GABRG2: variants seen among roughly 807,000 people sequenced by gnomAD.
GABRG2 encodes gamma-aminobutyric acid type A receptor subunit gamma2, also known as gamma-aminobutyric acid receptor subunit gamma-2.
GABRG2 carries 16 observed loss-of-function variants against 56.4 expected under a neutral mutation model. The ratio of observed to expected loss-of-function variants is 0.28; its 90% CI spans 0.19 to 0.43. The LOEUF is 0.43. Among genes scored for constraint, GABRG2 ranks in the 20% least tolerant of loss-of-function variants. The probability of loss-of-function intolerance (pLI) is 1.00; values close to 1 mark genes in which losing one functional copy is unlikely to be tolerated. For synonymous variants in GABRG2, 208 were observed against 205.5 expected, an observed-to-expected ratio of 1.01 and a Z score of -0.10; for missense variants, 327 against 582.7, an observed-to-expected ratio of 0.56 and a Z score of 4.52.
At chr5:162,104,980 C>G (rs1356473868) in intron 6 of GABRG2, among the ~76,000 whole-genome samples, 11 of 152,156 alleles carry the variant, frequency 7.2e-5, no homozygotes, top group Non-Finnish European at 1.6e-4. Context: ...TGTTAATTTA[C>G]ATATGTTCGA....
chr5:162,143,030 A>T (rs1764698780), intron 7 of GABRG2: 1 of 152,214 alleles, frequency 6.6e-6, no homozygotes, highest in Admixed American at 6.5e-5. Context: ...ATATTAACAG[A>T]TGTGTTTGTT....
upstream of GABRG2, chr5:162,067,502 T>G (rs1454287393): frequency 9.4e-6 from 4 of 424,564 alleles, no homozygotes; most frequent in African/African-American, 2.0e-5. Flanking sequence ...TGCGTGATAG[T>G]TAATCACGCA....
At chr5:162,090,130 T>C (rs533446403) in intron 1 of GABRG2, among the ~76,000 whole-genome samples, 2 of 152,248 alleles carry the variant, frequency 1.3e-5, no homozygotes, top group East Asian at 1.9e-4. Context: ...ATTCAAATTA[T>C]GCATAAAACT....
At chr5:162,133,767 G>C (rs543569267) in intron 6 of GABRG2, among the ~76,000 whole-genome samples, 3 of 152,092 alleles carry the variant, frequency 2.0e-5, no homozygotes, top group Admixed American at 2.0e-4. Context: ...TTCTAGTAAA[G>C]GAAGGCAGAA....
chr5:162,074,690 C>T (rs1170792922), intron 1 of GABRG2, among the ~76,000 whole-genome samples: 2 of 151,872 alleles, frequency 1.3e-5, no homozygotes, highest in East Asian at 3.9e-4. Flanking sequence ...ACTTGAGATA[C>T]ATAATTGAGG....
intron 6 of GABRG2, among the ~76,000 whole-genome samples, chr5:162,136,726 G>A (rs1240282245): frequency 2.6e-5 from 4 of 152,294 alleles, no homozygotes; most frequent in Non-Finnish European, 5.9e-5. Context: ...TTAGAAGCCT[G>A]GGCTTTCTCC....
In GABRG2 at chr5:162,071,068, G is replaced by T. The variant is rs1581283399; in HGVS notation, c.107+2962G>T. ...TATTATACATATAACAAAGCATAAG[G>T]AATAGTATAAAGAATACACCAACAT... On this transcript the variant is annotated intron_variant, in intron 1 of 9. Coordinates refer to ENST00000639213, the MANE Select transcript of GABRG2 (RefSeq NM_198904.4). Among the ~76,000 whole-genome samples the T allele has an allele frequency of 2.0e-5, 3 of 151,202 alleles. No individual in the cohort carries two copies. The East Asian group carries it at 5.8e-4, about 29-fold the overall frequency.
Position 162,153,470 on chromosome 5 carries a change from T to C in GABRG2, c.*102T>C. 1 of 1,355,392 alleles carries C rather than the reference T, an allele frequency of 7.4e-7. No individual in the cohort carries two copies. The highest frequency in any genetic ancestry group is 1.7e-5 in the Admixed American group (1 of 59,528). 84.0% of individuals were successfully genotyped at this position (1,355,392 alleles called of 1,614,324 possible). ...TAATCCTCTATGTGGTTGATAATGA[T>C]CTGAATCTGTTTCTATGTCCAAACC... On this transcript the variant is annotated 3_prime_UTR_variant, in exon 10 of 10. Coordinates refer to ENST00000639213, the MANE Select transcript of GABRG2 (RefSeq NM_198904.4).
chr5:162,094,135 TGAGTGG>T (rs1164764222), intron 2 of GABRG2, 156 bp downstream of exon 2: 1 of 750,644 alleles, frequency 1.3e-6, no homozygotes, highest in African/African-American at 1.8e-5. Context: ...TTCAGGCCTA[TGAGTGG>T]GAGAGGTGTC....
intron 1 of GABRG2, among the ~76,000 whole-genome samples, chr5:162,075,856 T>C (rs529370289): frequency 6.6e-6 from 1 of 152,244 alleles, no homozygotes; most frequent in South Asian, 2.1e-4. Context: ...TTCAGTTTGA[T>C]GACCCTCAGT....
At chr5:162,090,901 C>G (rs1760522820) in intron 1 of GABRG2, among the ~76,000 whole-genome samples, 1 of 152,086 alleles carries the variant, frequency 6.6e-6, no homozygotes, top group African/African-American at 2.4e-5. Flanking sequence ...TAGAATGTTT[C>G]ATCTAATGGT....
At chr5:162,122,269 C>T (rs557390783) in intron 6 of GABRG2, among the ~76,000 whole-genome samples, 4 of 152,000 alleles carry the variant, frequency 2.6e-5, no homozygotes, top group South Asian at 2.1e-4. Flanking sequence ...AATACTTAAA[C>T]GCAATTCATA....
chr5:162,072,270 C>T (rs1046249988), intron 1 of GABRG2, among the ~76,000 whole-genome samples: 8 of 151,926 alleles, frequency 5.3e-5, no homozygotes, highest in Non-Finnish European at 7.4e-5. Flanking sequence ...TTACTAGGGT[C>T]CTGGCTACCT....
intron 7 of GABRG2, among the ~76,000 whole-genome samples, chr5:162,146,606 A>T (rs1214967334): frequency 1.3e-5 from 2 of 151,260 alleles, no homozygotes; most frequent in Non-Finnish European, 2.9e-5. Context: ...TGTTTCACAC[A>T]TTCATTGAAC....
intron 6 of GABRG2, among the ~76,000 whole-genome samples, chr5:162,106,376 C>G (rs913493866): frequency 2.0e-5 from 3 of 152,118 alleles, no homozygotes; most frequent in Admixed American, 1.3e-4. Context: ...GTGTGTAGTA[C>G]TATTTCAACG....
chr5:162,149,369 G>A (rs1408508777), intron 8 of GABRG2, 56 bp downstream of exon 8: 2 of 1,540,400 alleles, frequency 1.3e-6, no homozygotes, highest in Non-Finnish European at 1.8e-6. Flanking sequence ...GGTTTAGTTT[G>A]TTTTCATTAG....
chr5:162,147,297 T>G (rs1413909535), intron 7 of GABRG2, among the ~76,000 whole-genome samples: 8 of 151,740 alleles, frequency 5.3e-5, no homozygotes, highest in Non-Finnish European at 7.4e-5. Context: ...TCTCCTTTCT[T>G]TCTTTCTTTT....
Position 162,109,389 on chromosome 5 carries a change from A to ATATATATAT in GABRG2, c.769+5363_769+5364insTATATATAT, listed in dbSNP as rs1554098562. Among the ~76,000 whole-genome samples the ATATATATAT allele has an allele frequency of 4.2e-3, 489 of 116,192 alleles. 23 individuals are homozygous for ATATATATAT. The highest frequency in any genetic ancestry group is 0.018 in the African/African-American group (463 of 25,964). The allele number at this position is 116,192 out of a possible 152,430, so 76.2% of individuals were successfully genotyped here. On this transcript the variant is annotated intron_variant, in intron 6 of 9. Transcript: ENST00000639213. ...ACATGTACCCTAGAACTTAAAGTAT[A>ATATATATAT]ATATATATATATATATATATATATA...
intron 6 of GABRG2, among the ~76,000 whole-genome samples, chr5:162,137,202 C>T (rs1764199333): frequency 6.6e-6 from 1 of 152,138 alleles, no homozygotes; most frequent in Non-Finnish European, 1.5e-5. Flanking sequence ...CTTCTAGGCA[C>T]ATAAAAAACC....
Sources: allele counts gnomAD v4.1 joint callset (sites outside exome capture counted in the v4.1 genomes callset), GRCh38; gene constraint gnomAD v4.1.1; transcripts MANE v1.5; gene names NCBI Gene and HGNC (gene_info 2026-07-23, HGNC 2026-07-21).